CHRM3: variants seen among roughly 807,000 people sequenced by gnomAD.
The protein encoded by CHRM3 is cholinergic receptor muscarinic 3.
A neutral mutation model predicts 41.8 loss-of-function variants in CHRM3; 11 were observed. The ratio of observed to expected loss-of-function variants is 0.26; its 90% CI spans 0.17 to 0.44. CHRM3 has a LOEUF of 0.44. Among genes scored for constraint, CHRM3 ranks in the 20% least tolerant of loss-of-function variants. CHRM3 has a pLI of 1.00. For missense variants in CHRM3, 571 were observed against 745.4 expected (o/e 0.77, Z 2.72); for synonymous variants, 297 against 301.4 (o/e 0.99, Z 0.15).
rs926580616 is a variant in CHRM3 at position 239,914,873 on chromosome 1, T to C, written c.*5649T>C. The stretch of plus-strand genomic sequence containing the variant: ...AAACACATGATCTCCCTTCTAGCCA[T>C]TCCTCATCCAGTACATGGGCATTTC... On this transcript the variant is annotated 3_prime_UTR_variant, in exon 7 of 7. Transcript: ENST00000676153. 2 of 167,004 alleles carry C rather than the reference T, an allele frequency of 1.2e-5. No individual in the cohort carries two copies. The highest frequency in any genetic ancestry group is 4.8e-5 in the African/African-American group (2 of 41,468). 10.3% of individuals were successfully genotyped at this position (167,004 alleles called of 1,614,324 possible). A position where few individuals can be genotyped will look rare whatever the true frequency, so the allele number is the denominator to read the frequency against.
intron 3 of CHRM3, among the ~76,000 whole-genome samples, chr1:239,554,046 C>T (rs928556024): frequency 6.6e-6 from 1 of 152,132 alleles, no homozygotes; most frequent in Admixed American, 6.6e-5. Context: ...TGTGCCACTA[C>T]ACCTGGCTAA....
chr1:239,579,820 A>G (rs1262854781), intron 3 of CHRM3, among the ~76,000 whole-genome samples: 5 of 152,172 alleles, frequency 3.3e-5, no homozygotes, highest in East Asian at 1.9e-4. Flanking sequence ...TTATTCATTC[A>G]TCTTCACATA....
chr1:239,637,078 A>T (rs1037469412), intron 4 of CHRM3, among the ~76,000 whole-genome samples: 2 of 152,214 alleles, frequency 1.3e-5, no homozygotes, highest in Non-Finnish European at 2.9e-5. Context: ...ATTTATATAG[A>T]ACTTCCAAAT....
chr1:239,775,138 A>T (rs1056826442), intron 5 of CHRM3, among the ~76,000 whole-genome samples: 9 of 151,834 alleles, frequency 5.9e-5, no homozygotes, highest in South Asian at 2.1e-4. Context: ...ATCATGGCTA[A>T]AAAAAAAAGT....
chr1:239,513,866 C>G (rs1391128706), intron 2 of CHRM3, among the ~76,000 whole-genome samples: 1 of 151,976 alleles, frequency 6.6e-6, no homozygotes, highest in African/African-American at 2.4e-5. Context: ...TCTGGTTGTC[C>G]CAGCACCATT....
Position 239,609,039 on chromosome 1 carries a change from T to C in CHRM3, c.-312-23185T>C, listed in dbSNP as rs1666689748. ...GTGTACAATTTGAAGTTTTGACATATGTATACACATGTGAAAATCATCAAC... is the reference window on the plus strand; with the variant it reads ...GTGTACAATTTGAAGTTTTGACATACGTATACACATGTGAAAATCATCAAC... On this transcript the variant is annotated intron_variant, in intron 3 of 6. Transcript: ENST00000676153. Among the ~76,000 whole-genome samples the C allele has an allele frequency of 2.0e-5, 3 of 152,310 alleles. No individual in the cohort carries two copies. The South Asian group carries it at 6.2e-4, about 32-fold the overall frequency.
intron 6 of CHRM3, among the ~76,000 whole-genome samples, chr1:239,830,363 T>C (rs879289174): frequency 6.6e-6 from 1 of 152,206 alleles, no homozygotes. Flanking sequence ...TTTAACATGA[T>C]GCCTTCAGGA....
At chr1:239,760,421 G>A (rs553542664) in intron 5 of CHRM3, among the ~76,000 whole-genome samples, 1 of 152,022 alleles carries the variant, frequency 6.6e-6, no homozygotes, top group Non-Finnish European at 1.5e-5. Context: ...GCAGTCAAGA[G>A]CCTCTTTGAT....
intron 3 of CHRM3, among the ~76,000 whole-genome samples, chr1:239,577,433 T>C (rs771281546): frequency 2.0e-5 from 3 of 152,186 alleles, no homozygotes; most frequent in Non-Finnish European, 4.4e-5. Context: ...ATGACTGAAG[T>C]TCTCATATCT....
At chr1:239,471,084 A>C (rs1434182787) in intron 1 of CHRM3, among the ~76,000 whole-genome samples, 1 of 152,212 alleles carries the variant, frequency 6.6e-6, no homozygotes, top group Non-Finnish European at 1.5e-5. Flanking sequence ...ATATACAAAA[A>C]CTGTGTATCT....
At position 239,912,754 on chromosome 1, in the gene CHRM3, T is replaced by G. The variant is rs1173844536; in HGVS notation, c.*3530T>G. The G allele has an allele frequency of 6.0e-6, 1 of 167,136 alleles. No individual in the cohort carries two copies. Among genetic ancestry groups the G allele is most frequent in the Non-Finnish European group, 1.5e-5 (1 of 68,176 alleles). 10.4% of individuals were successfully genotyped at this position (167,136 alleles called of 1,614,324 possible). On this transcript the variant is annotated 3_prime_UTR_variant, in exon 7 of 7. Coordinates refer to ENST00000676153, the MANE Select transcript of CHRM3 (RefSeq NM_001375978.1). ...TGTCCTGTACCTATCTGAGTAGAGA[T>G]GATTCAAGGATGGGGACATATTCCA...
At chr1:239,527,892 C>T (rs1157275352) in intron 2 of CHRM3, among the ~76,000 whole-genome samples, 1 of 152,086 alleles carries the variant, frequency 6.6e-6, no homozygotes, top group East Asian at 1.9e-4. Flanking sequence ...CATTACCATC[C>T]CCTTGTACTA....
intron 5 of CHRM3, among the ~76,000 whole-genome samples, chr1:239,763,733 G>A (rs1352306440): frequency 6.6e-6 from 1 of 151,412 alleles, no homozygotes; most frequent in Admixed American, 6.6e-5. Context: ...TTTCACATTC[G>A]GGCACTGGGA....
intron 1 of CHRM3, among the ~76,000 whole-genome samples, chr1:239,466,629 ATAT>A (rs1301725015): frequency 6.6e-6 from 1 of 151,782 alleles, no homozygotes; most frequent in African/African-American, 2.4e-5. Flanking sequence ...ATGTATTATA[ATAT>A]TATAATAATT....
chr1:239,457,577 T>G (rs1665046477), intron 1 of CHRM3, among the ~76,000 whole-genome samples: 1 of 152,162 alleles, frequency 6.6e-6, no homozygotes, highest in Admixed American at 6.6e-5. Context: ...AGGTTTTGTC[T>G]ATTTGCAAGC....
intron 4 of CHRM3, among the ~76,000 whole-genome samples, chr1:239,672,342 T>C (rs1461708856): frequency 1.3e-5 from 2 of 151,896 alleles, no homozygotes; most frequent in African/African-American, 4.8e-5. Context: ...CAGAAAAGGC[T>C]TCAGAAAAGG....
chr1:239,474,083 A>G (rs1368931384), intron 1 of CHRM3, among the ~76,000 whole-genome samples: 2 of 152,088 alleles, frequency 1.3e-5, no homozygotes, highest in Admixed American at 6.6e-5. Flanking sequence ...ATTATCATAT[A>G]TAATGACATT....
chr1:239,529,137 A>G (rs1161531280), intron 2 of CHRM3, among the ~76,000 whole-genome samples: 1 of 152,154 alleles, frequency 6.6e-6, no homozygotes, highest in Non-Finnish European at 1.5e-5. Context: ...GATTTAAAAA[A>G]TCTTTACCAA....
chr1:239,849,118 G>C (rs1284837289), intron 6 of CHRM3, among the ~76,000 whole-genome samples: 1 of 152,144 alleles, frequency 6.6e-6, no homozygotes, highest in African/African-American at 2.4e-5. Flanking sequence ...AGTGATGATG[G>C]ATAAATGGTC....
Sources: allele counts gnomAD v4.1 joint callset (sites outside exome capture counted in the v4.1 genomes callset), GRCh38; gene constraint gnomAD v4.1.1; transcripts MANE v1.5; gene names NCBI Gene and HGNC (gene_info 2026-07-23, HGNC 2026-07-21).